RPA3: variants seen among roughly 807,000 people sequenced by gnomAD.
The protein encoded by RPA3 is replication protein A3.
A neutral mutation model predicts 13.7 loss-of-function variants in RPA3; 24 were observed. That is an observed-to-expected ratio of 1.75 (90% confidence interval 1.27 to 2.46). The LOEUF (loss-of-function observed/expected upper bound fraction) is 2.46. Ranked by LOEUF, RPA3 falls within the 30% of genes most tolerant of loss-of-function variation. The pLI is 0.00. For synonymous variants in RPA3, 59 were observed against 51.2 expected, an observed-to-expected ratio of 1.15 and a Z score of -0.65; for missense variants, 183 against 151.0, an observed-to-expected ratio of 1.21 and a Z score of -1.11.
At chr7:7,674,324 A>G (rs1563109215) in intron 4 of RPA3, among the ~76,000 whole-genome samples, 1 of 152,192 alleles carries the variant, frequency 6.6e-6, no homozygotes, top group Non-Finnish European at 1.5e-5. Flanking sequence ...GGCATCTGCT[A>G]GCATCAGCCA....
chr7:7,711,929 A>G (rs913874675), intron 2 of RPA3, among the ~76,000 whole-genome samples: 7 of 152,122 alleles, frequency 4.6e-5, no homozygotes, highest in African/African-American at 1.7e-4. Flanking sequence ...AACTTTGGTT[A>G]TAGTGTGGTA....
In RPA3 at chr7:7,677,670, T is replaced by G. The variant is rs201470216; in HGVS notation, c.-758+8160A>C. Among the ~76,000 whole-genome samples, 573 of 128,498 alleles carry G rather than the reference T, an allele frequency of 4.5e-3. 2 individuals are homozygous for G. Among genetic ancestry groups the G allele is most frequent in the South Asian group, 0.023 (79 of 3,494 alleles). 84.3% of individuals were successfully genotyped at this position (128,498 alleles called of 152,430 possible). ...TCTATTCATCTGTTTTTTTGTTTTT[T>G]TTTTTTTTTTTTTTTTTTTTTGAGA... On this transcript the variant is annotated intron_variant, in intron 4 of 7. Coordinates refer to ENST00000223129, the MANE Select transcript of RPA3 (RefSeq NM_002947.5).
chr7:7,638,933 A>G (rs1011560811), intron 6 of RPA3, 137 bp downstream of exon 6: 3 of 544,786 alleles, frequency 5.5e-6, no homozygotes, highest in Admixed American at 7.5e-5. Context: ...TACAAGAATT[A>G]AATTTTACAG....
Position 7,654,312 on chromosome 7 carries a change from T to C in RPA3, c.-757-13137A>G, listed in dbSNP as rs185308425. Reference sequence around the variant, plus strand: ...AAGTGAGGCCATCTGTATTCAGTGATGGAAATAGGATCTGACAAGAGGGGA... The same window carrying C: ...AAGTGAGGCCATCTGTATTCAGTGACGGAAATAGGATCTGACAAGAGGGGA... On this transcript the variant is annotated intron_variant, in intron 4 of 7. Transcript: ENST00000223129. Among the ~76,000 whole-genome samples, 172 of 152,338 alleles carry C rather than the reference T, an allele frequency of 1.1e-3. 1 individual carries two copies. Among genetic ancestry groups the C allele is most frequent in the Middle Eastern group, 6.8e-3 (2 of 294 alleles).
intron 4 of RPA3, among the ~76,000 whole-genome samples, chr7:7,646,821 C>A (rs531099740): frequency 6.6e-6 from 1 of 152,242 alleles, no homozygotes; most frequent in African/African-American, 2.4e-5. Flanking sequence ...CACCATTCTG[C>A]TGCTCTGCCA....
At chr7:7,673,712 T>C (rs200484555) in intron 4 of RPA3, among the ~76,000 whole-genome samples, 4,858 of 145,566 alleles carry the variant, frequency 0.033, 117 homozygotes, top group South Asian at 0.1. Flanking sequence ...TTTCCCCCCC[T>C]TTTTTTTTTT....
intron 2 of RPA3, among the ~76,000 whole-genome samples, chr7:7,697,402 AT>A (rs1780347372): frequency 6.6e-6 from 1 of 152,194 alleles, no homozygotes; most frequent in South Asian, 2.1e-4. Flanking sequence ...TAAATTATCC[AT>A]TTTATTTCAT....
At chr7:7,661,409 C>T (rs114201700) in intron 4 of RPA3, among the ~76,000 whole-genome samples, 1,952 of 152,182 alleles carry the variant, frequency 0.013, 54 homozygotes, top group African/African-American at 0.045. Flanking sequence ...TGGAATTTTC[C>T]GCCTTTTTGC....
intron 2 of RPA3, among the ~76,000 whole-genome samples, chr7:7,695,210 G>A (rs560182122): frequency 1.3e-5 from 2 of 152,244 alleles, no homozygotes; most frequent in Admixed American, 1.3e-4. Context: ...CTGTTTCCAA[G>A]TAGAGAAAAT....
chr7:7,694,535 A>G (rs1383975961), intron 2 of RPA3, among the ~76,000 whole-genome samples: 1 of 127,038 alleles, frequency 7.9e-6, no homozygotes, highest in South Asian at 2.4e-4. Context: ...CCCCACCCCC[A>G]CCACTGTCCT....
At chr7:7,682,476 T>C (rs1183707634) in intron 4 of RPA3, among the ~76,000 whole-genome samples, 10 of 152,188 alleles carry the variant, frequency 6.6e-5, no homozygotes, top group African/African-American at 2.4e-4. Flanking sequence ...TTCATCGCTG[T>C]GTTGTTTCCT....
chr7:7,696,639 C>G (rs1780325388), intron 2 of RPA3, among the ~76,000 whole-genome samples: 2 of 152,078 alleles, frequency 1.3e-5, no homozygotes, highest in South Asian at 2.1e-4. Context: ...CAGTAGCTCT[C>G]CCTCATACAG....
At chr7:7,649,754 C>T (rs1223742213) in intron 4 of RPA3, among the ~76,000 whole-genome samples, 1 of 151,812 alleles carries the variant, frequency 6.6e-6, no homozygotes, top group African/African-American at 2.4e-5. Context: ...CTCCCCCCAC[C>T]CAATTCATAT....
chr7:7,701,957 C>G (rs926013544), intron 2 of RPA3, among the ~76,000 whole-genome samples: 1 of 152,188 alleles, frequency 6.6e-6, no homozygotes, highest in Non-Finnish European at 1.5e-5. Flanking sequence ...GACCTCTTTT[C>G]TCTTCTTAAC....
intron 2 of RPA3, among the ~76,000 whole-genome samples, chr7:7,691,947 A>G (rs751676479): frequency 6.6e-6 from 1 of 152,178 alleles, no homozygotes; most frequent in African/African-American, 2.4e-5. Flanking sequence ...GGAAGGAAAA[A>G]TTTTATAACT....
At position 7,698,930 on chromosome 7, in the gene RPA3, C is replaced by T. The variant is rs547330012; in HGVS notation, c.-1027-11602G>A. 9.1e-4 allele frequency among the ~76,000 whole-genome samples: 136 copies of T among 149,750 alleles called. 1 individual carries two copies. Among genetic ancestry groups the T allele is most frequent in the Non-Finnish European group, 1.5e-3 (102 of 67,626 alleles). On this transcript the variant is annotated intron_variant, in intron 2 of 7. Coordinates refer to ENST00000223129, the MANE Select transcript of RPA3 (RefSeq NM_002947.5). ...GTTGCCCAGGTCTGATAACAGCTCA[C>T]TGAAGTCTCGACTTCCCTGGGCTCA...
chr7:7,659,923 T>G (rs1785433491), intron 4 of RPA3, among the ~76,000 whole-genome samples: 1 of 152,312 alleles, frequency 6.6e-6, no homozygotes, highest in East Asian at 1.9e-4. Context: ...CCACTATTAT[T>G]GTGTTGGAGT....
In RPA3 at chr7:7,637,768, A is replaced by T. The variant is rs28916311; in HGVS notation, c.283+96T>A. On this transcript the variant is annotated intron_variant, in intron 7 of 7. Transcript: ENST00000223129. ...GTATGTTATGTAATTACATACAGTT[A>T]TATAAAACTGTATGTTATGTAATTA... The T allele has an allele frequency of 3.3e-3, 1,785 of 540,702 alleles. 32 individuals carry two copies. The highest frequency in any genetic ancestry group is 0.031 in the African/African-American group (1,640 of 52,876). The allele number at this position is 540,702 out of a possible 1,614,324, so 33.5% of individuals were successfully genotyped here.
intron 2 of RPA3, among the ~76,000 whole-genome samples, chr7:7,701,619 G>T (rs946074748): frequency 6.6e-6 from 1 of 152,066 alleles, no homozygotes; most frequent in African/African-American, 2.4e-5. Context: ...TTGACCTTAT[G>T]GGTCTTGCTT....
Sources: gnomAD v4.1 joint callset for allele counts (sites outside exome capture counted in the v4.1 genomes callset) on GRCh38, gnomAD v4.1.1 for gene constraint, MANE v1.5 for transcripts, NCBI Gene and HGNC (gene_info 2026-07-23, HGNC 2026-07-21) for gene names.